Variants in FBXO4 observed in about 807,000 individuals in gnomAD.
FBXO4 encodes the protein F-box protein 4, also known as F-box only protein 4.
FBXO4 carries 36 observed loss-of-function variants against 43.7 expected under a neutral mutation model. That is an observed-to-expected ratio of 0.82 (90% CI 0.63 to 1.09). FBXO4 has a LOEUF of 1.09. Among genes scored for constraint, FBXO4 ranks in the 50% least tolerant of loss-of-function variants. The probability of loss-of-function intolerance (pLI) is 0.00; values close to 1 mark genes in which losing one functional copy is unlikely to be tolerated. For missense variants in FBXO4, 435 were observed against 474.1 expected, an observed-to-expected ratio of 0.92 and a Z score of 0.77; for synonymous variants, 180 against 165.6, an observed-to-expected ratio of 1.09 and a Z score of -0.67.
the FBXO4 span, among the ~76,000 whole-genome samples, chr5:42,026,713 C>T: frequency 6.6e-6 from 1 of 151,580 alleles, no homozygotes; most frequent in African/African-American, 2.4e-5. Flanking sequence ...CATATGGCTT[C>T]AATATGATGA....
At chr5:41,987,100 A>T in the FBXO4 span, among the ~76,000 whole-genome samples, 9 of 152,174 alleles carry the variant, frequency 5.9e-5, no homozygotes, top group Non-Finnish European at 1.5e-5. Flanking sequence ...ATATGCTATT[A>T]TCTAAGAATA....
chr5:42,008,744 G>A, the FBXO4 span, among the ~76,000 whole-genome samples: 1 of 152,112 alleles, frequency 6.6e-6, no homozygotes, highest in African/African-American at 2.4e-5. Flanking sequence ...AATTTTTAAT[G>A]TGTGATTCTT....
the FBXO4 span, among the ~76,000 whole-genome samples, chr5:42,029,338 T>C: frequency 6.6e-6 from 1 of 152,088 alleles, no homozygotes; most frequent in African/African-American, 2.4e-5. Flanking sequence ...TTGTATATTA[T>C]CTGTTTCTTT....
At chr5:41,986,289 C>CATTTACCAAAAAG in the FBXO4 span, among the ~76,000 whole-genome samples, 2 of 151,900 alleles carry the variant, frequency 1.3e-5, no homozygotes, top group Non-Finnish European at 2.9e-5. Flanking sequence ...TGTTTGGCCC[C>CATTTACCAAAAAG]ATTTACCAAA....
chr5:42,002,911 C>A, the FBXO4 span, among the ~76,000 whole-genome samples: 1 of 152,116 alleles, frequency 6.6e-6, no homozygotes, highest in Non-Finnish European at 1.5e-5. Flanking sequence ...ATCACCATCA[C>A]CTTTTGTTTA....
the FBXO4 span, among the ~76,000 whole-genome samples, chr5:41,991,610 G>A: frequency 6.6e-6 from 1 of 152,150 alleles, no homozygotes; most frequent in Non-Finnish European, 1.5e-5. Flanking sequence ...GTAAATTTCT[G>A]TTGGACTCTG....
chr5:42,025,831 G>A, the FBXO4 span, among the ~76,000 whole-genome samples: 1 of 151,638 alleles, frequency 6.6e-6, no homozygotes, highest in Non-Finnish European at 1.5e-5. Context: ...TTGGCATCTG[G>A]GTTGAAAGTG....
At chr5:42,001,246 T>C in the FBXO4 span, among the ~76,000 whole-genome samples, 1 of 151,722 alleles carries the variant, frequency 6.6e-6, no homozygotes, top group Non-Finnish European at 1.5e-5. Flanking sequence ...CATTCATTTA[T>C]TGAGACGGAG....
the FBXO4 span, among the ~76,000 whole-genome samples, chr5:41,953,184 C>A: frequency 6.9e-6 from 1 of 145,648 alleles, no homozygotes; most frequent in African/African-American, 2.5e-5. Context: ...GTGTGATATT[C>A]CCCTTCCTGT....
the FBXO4 span, among the ~76,000 whole-genome samples, chr5:42,010,011 G>A: frequency 6.6e-6 from 1 of 152,132 alleles, no homozygotes; most frequent in East Asian, 1.9e-4. Flanking sequence ...CCTTAGGTAA[G>A]TAGAATCATA....
At chr5:42,036,132 G>A in the FBXO4 span, among the ~76,000 whole-genome samples, 17 of 152,210 alleles carry the variant, frequency 1.1e-4, no homozygotes, top group East Asian at 7.7e-4. Context: ...AACCACTGGG[G>A]TAGAAATTAG....
chr5:41,964,686 G>A, the FBXO4 span, among the ~76,000 whole-genome samples: 1 of 144,886 alleles, frequency 6.9e-6, no homozygotes, highest in East Asian at 2.1e-4. Context: ...GTCTTCTTTT[G>A]AGAAGTGTCT....
chr5:42,020,069 T>C, the FBXO4 span, among the ~76,000 whole-genome samples: 1 of 152,098 alleles, frequency 6.6e-6, no homozygotes. Context: ...CCTGCCAAAA[T>C]AAAAATTGTG....
the FBXO4 span, among the ~76,000 whole-genome samples, chr5:41,957,936 G>A: frequency 2.6e-5 from 4 of 152,132 alleles, no homozygotes; most frequent in Admixed American, 6.5e-5. Flanking sequence ...ATTTAGTTGG[G>A]TCTGGGCTTG....
At chr5:42,034,108 T>C in the FBXO4 span, among the ~76,000 whole-genome samples, 2 of 151,954 alleles carry the variant, frequency 1.3e-5, no homozygotes. Context: ...ATTTCTCTAA[T>C]GATCAGTGAT....
the FBXO4 span, among the ~76,000 whole-genome samples, chr5:42,006,676 A>G: frequency 6.6e-6 from 1 of 151,626 alleles, no homozygotes; most frequent in Non-Finnish European, 1.5e-5. Context: ...CCTTTGTTTG[A>G]CACTGGTTGT....
chr5:42,006,383 A>G, the FBXO4 span, among the ~76,000 whole-genome samples: 13 of 152,106 alleles, frequency 8.5e-5, no homozygotes, highest in Admixed American at 5.2e-4. Flanking sequence ...ACAATATATC[A>G]AAGTACCTAC....
At chr5:41,969,295 G>A in the FBXO4 span, among the ~76,000 whole-genome samples, 7 of 152,146 alleles carry the variant, frequency 4.6e-5, no homozygotes, top group East Asian at 1.3e-3. Context: ...TTTAATGAGT[G>A]CTTATAAAAC....
At chr5:41,985,641 G>A in the FBXO4 span, among the ~76,000 whole-genome samples, 8 of 152,232 alleles carry the variant, frequency 5.3e-5, no homozygotes, top group East Asian at 1.9e-4. Context: ...GTCAGCCTGC[G>A]TTATAATTTT....
Sources: allele counts gnomAD v4.1 joint callset (sites outside exome capture counted in the v4.1 genomes callset), GRCh38; gene constraint gnomAD v4.1.1; transcripts MANE v1.5; gene names NCBI Gene and HGNC (gene_info 2026-07-23, HGNC 2026-07-21).